Variants in CDH13 observed in about 807,000 individuals in gnomAD.
CDH13 encodes cadherin 13.
In CDH13, 24 loss-of-function variants were observed where a neutral mutation model predicts 63.8. The observed-to-expected ratio is 0.38, with a 90% CI of 0.27 to 0.53. The LOEUF is 0.53. Ranked by LOEUF, CDH13 falls within the 20% of genes least tolerant of loss-of-function variation. CDH13 has a pLI of 0.85. For missense variants in CDH13, 1,049 were observed against 903.1 expected, an observed-to-expected ratio of 1.16 and a Z score of -2.07; for synonymous variants, 503 against 355.3, an observed-to-expected ratio of 1.42 and a Z score of -4.67.
chr16:83,724,902 G>A (rs1910198584), intron 10 of CDH13, among the ~76,000 whole-genome samples: 1 of 152,144 alleles, frequency 6.6e-6, no homozygotes, highest in African/African-American at 2.4e-5. Flanking sequence ...TCCAGCTGCA[G>A]GATCATCCTA....
Position 82,936,185 on chromosome 16 carries a change from G to T in CDH13, c.157+77712G>T, listed in dbSNP as rs151019211. Among the ~76,000 whole-genome samples the T allele has an allele frequency of 7.4e-3, 1,131 of 152,200 alleles. 20 individuals are homozygous for T. The highest frequency in any genetic ancestry group is 0.024 in the Middle Eastern group (7 of 294). On this transcript the variant is annotated intron_variant, in intron 2 of 13. Transcript: ENST00000567109. ...CCTTAGTTCCTGCCAGCATTCACCT[G>T]TGCAAGTCTCCAGCTTGCTTGTCTA...
At chr16:82,910,208 A>G (rs2041785338) in intron 2 of CDH13, among the ~76,000 whole-genome samples, 2 of 151,970 alleles carry the variant, frequency 1.3e-5, no homozygotes, top group Non-Finnish European at 2.9e-5. Context: ...CAAGAATTAA[A>G]CCCTTGTTGT....
chr16:83,631,360 GT>G, intron 8 of CDH13, among the ~76,000 whole-genome samples: 2 of 150,760 alleles, frequency 1.3e-5, no homozygotes, highest in South Asian at 4.2e-4. Flanking sequence ...TTGGTTTGTT[GT>G]TGTTTGTTCT....
chr16:83,645,648 C>T (rs1410016674), intron 8 of CDH13, among the ~76,000 whole-genome samples: 2 of 152,060 alleles, frequency 1.3e-5, no homozygotes, highest in African/African-American at 2.4e-5. Context: ...AGCAAAGCCC[C>T]TTCCCCATCC....
intron 11 of CDH13, among the ~76,000 whole-genome samples, chr16:83,758,642 TA>T (rs1259704740): frequency 1.4e-4 from 22 of 152,284 alleles, no homozygotes; most frequent in African/African-American, 5.1e-4. Context: ...TAAAATAATC[TA>T]AAAGAATTTT....
chr16:82,844,687 T>G (rs1451161679), intron 1 of CDH13: 20 of 138,962 alleles, frequency 1.4e-4, no homozygotes, highest in African/African-American at 5.4e-4. Flanking sequence ...TCACCCAGGC[T>G]GGAGTGCGGT....
intron 6 of CDH13, among the ~76,000 whole-genome samples, chr16:83,486,091 C>A (rs898317441): frequency 6.6e-6 from 1 of 152,072 alleles, no homozygotes; most frequent in East Asian, 1.9e-4. Flanking sequence ...TGCAGTAAGC[C>A]AAGATCACGC....
chr16:83,601,880 G>T (rs948862069), intron 7 of CDH13, among the ~76,000 whole-genome samples: 3 of 151,716 alleles, frequency 2.0e-5, no homozygotes, highest in African/African-American at 7.3e-5. Context: ...AGATCACGAG[G>T]TCAGGAGTTC....
At chr16:83,442,446 A>G (rs2072506268) in intron 6 of CDH13, among the ~76,000 whole-genome samples, 1 of 152,240 alleles carries the variant, frequency 6.6e-6, no homozygotes. Context: ...CTTGGCCAGT[A>G]TCTTTCTGGA....
intron 3 of CDH13, among the ~76,000 whole-genome samples, chr16:83,032,937 G>T (rs1040224441): frequency 6.6e-6 from 1 of 152,148 alleles, no homozygotes; most frequent in African/African-American, 2.4e-5. Flanking sequence ...TGCATATTGT[G>T]CTGTATACAT....
At chr16:83,258,413 T>C (rs1175896123) in intron 5 of CDH13, among the ~76,000 whole-genome samples, 2 of 152,232 alleles carry the variant, frequency 1.3e-5, no homozygotes, top group African/African-American at 2.4e-5. Flanking sequence ...TATCTAGTGA[T>C]GTTTAGCCAG....
intron 10 of CDH13, among the ~76,000 whole-genome samples, chr16:83,723,566 TGA>T (rs1280010997): frequency 6.6e-6 from 1 of 152,226 alleles, no homozygotes; most frequent in African/African-American, 2.4e-5. Context: ...AGGCTTTCCC[TGA>T]TCACCTTCGC....
At chr16:83,391,423 C>G (rs1415290038) in intron 6 of CDH13, among the ~76,000 whole-genome samples, 1 of 152,112 alleles carries the variant, frequency 6.6e-6, no homozygotes, top group Admixed American at 6.5e-5. Flanking sequence ...CCCGGCTGGT[C>G]TCGAACTCCC....
intron 5 of CDH13, among the ~76,000 whole-genome samples, chr16:83,263,630 A>G (rs1275170247): frequency 2.6e-5 from 4 of 152,258 alleles, no homozygotes; most frequent in African/African-American, 9.6e-5. Context: ...TGGCCAATGT[A>G]GAGGATTAAA....
intron 10 of CDH13, among the ~76,000 whole-genome samples, chr16:83,723,269 A>G (rs77152299): frequency 1.3e-5 from 2 of 152,196 alleles, no homozygotes; most frequent in South Asian, 2.1e-4. Context: ...CACCCACCCT[A>G]TGAGTGAGGT....
At chr16:82,719,212 T>G in intron 1 of CDH13, 1 of 326,478 alleles carries the variant, frequency 3.1e-6, no homozygotes, top group Non-Finnish European at 6.1e-6. Context: ...GGTCCCATTC[T>G]CAGGAGTTTC....
intron 4 of CDH13, among the ~76,000 whole-genome samples, chr16:83,136,486 CAAAAAAAAAA>C (rs542700844): frequency 9.7e-5 from 6 of 61,552 alleles, no homozygotes; most frequent in African/African-American, 1.7e-4. Context: ...ACTCTGTCTC[CAAAAAAAAAA>C]AAAAAAAAAA....
chr16:82,835,556 T>A (rs1317176106), intron 1 of CDH13, among the ~76,000 whole-genome samples: 1 of 152,196 alleles, frequency 6.6e-6, no homozygotes, highest in Non-Finnish European at 1.5e-5. Context: ...GGCCTTACCC[T>A]TGCTCAATCA....
At position 83,529,808 on chromosome 16, in the gene CDH13, C is replaced by T. The variant is rs1168576336; in HGVS notation, c.960+43153C>T. 2.6e-5 allele frequency among the ~76,000 whole-genome samples: 4 copies of T among 152,092 alleles called. No homozygotes were observed. The East Asian group carries it at 7.7e-4, about 29-fold the overall frequency. ...TAAAAAAGATGAAAATAAATGTCAA[C>T]ATATTGAACATTTGGTCAGGTGATT... On this transcript the variant is annotated intron_variant, in intron 7 of 13. Coordinates refer to ENST00000567109, the MANE Select transcript of CDH13 (RefSeq NM_001257.5).
Sources: allele counts gnomAD v4.1 joint callset (sites outside exome capture counted in the v4.1 genomes callset), GRCh38; gene constraint gnomAD v4.1.1; transcripts MANE v1.5; gene names NCBI Gene and HGNC (gene_info 2026-07-23, HGNC 2026-07-21).